ZFAND6: variants seen among roughly 807,000 people sequenced by gnomAD.
The protein encoded by ZFAND6 is zinc finger AN1-type containing 6.
A neutral mutation model predicts 24.5 loss-of-function variants in ZFAND6; 12 were observed. The ratio of observed to expected loss-of-function variants is 0.49; its 90% CI spans 0.31 to 0.79. ZFAND6 has a LOEUF of 0.79. Among genes scored for constraint, ZFAND6 ranks in the 30% least tolerant of loss-of-function variants. The pLI is 0.04. For missense variants in ZFAND6, 207 were observed against 245.9 expected, an observed-to-expected ratio of 0.84 and a Z score of 1.06; for synonymous variants, 92 against 81.5, an observed-to-expected ratio of 1.13 and a Z score of -0.69.
chr15:80,100,213 A>G (rs947686729), intron 2 of ZFAND6, among the ~76,000 whole-genome samples: 5 of 152,232 alleles, frequency 3.3e-5, no homozygotes, highest in Non-Finnish European at 7.3e-5. Flanking sequence ...ATTTACTGCC[A>G]TTTGGCATTT....
intron 1 of ZFAND6, among the ~76,000 whole-genome samples, chr15:80,091,155 T>C (rs904470676): frequency 1.1e-5 from 1 of 87,356 alleles, no homozygotes; most frequent in Admixed American, 1.4e-4. Context: ...ATTTAGTTGT[T>C]AAGGGGTGTG....
chr15:80,119,755 T>C (rs2040064904), intron 2 of ZFAND6, among the ~76,000 whole-genome samples: 1 of 152,200 alleles, frequency 6.6e-6, no homozygotes, highest in African/African-American at 2.4e-5. Context: ...ATTTGTTTTT[T>C]ACAGGGTTCT....
At chr15:80,106,217 T>A (rs1222540395) in intron 2 of ZFAND6, among the ~76,000 whole-genome samples, 1 of 152,206 alleles carries the variant, frequency 6.6e-6, no homozygotes, top group Non-Finnish European at 1.5e-5. Context: ...CCTGATAATA[T>A]CTCTAACCAA....
intron 6 of ZFAND6, among the ~76,000 whole-genome samples, chr15:80,133,759 C>T (rs2040727770): frequency 1.3e-5 from 2 of 152,194 alleles, no homozygotes; most frequent in African/African-American, 2.4e-5. Context: ...TCTAACTTTA[C>T]TGTTTTGCGC....
chr15:80,068,528 C>T (rs999350917), intron 1 of ZFAND6, among the ~76,000 whole-genome samples: 3 of 152,046 alleles, frequency 2.0e-5, no homozygotes, highest in Non-Finnish European at 4.4e-5. Context: ...AGTGCCACCA[C>T]GCCTGGCTAA....
rs1227644804 is a variant in ZFAND6, at chr15:80,098,560, G to C, written c.-36G>C. On this transcript the variant is annotated 5_prime_UTR_variant, in exon 2 of 7. Transcript: ENST00000261749. ...GTCTCAAGATACAGGACAGCTGTTT[G>C]CTCATCAACCTCAACTGTGTGAGTA... 1 of 152,186 alleles carries C rather than the reference G, an allele frequency of 6.6e-6. No individual in the cohort carries two copies. The highest frequency in any genetic ancestry group is 2.4e-5 in the African/African-American group (1 of 41,444). The allele number at this position is 152,186 out of a possible 1,614,324, so 9.4% of individuals were successfully genotyped here. A position where few individuals can be genotyped will look rare whatever the true frequency, so the allele number is the denominator to read the frequency against.
At chr15:80,105,400 A>G (rs1596273977) in intron 2 of ZFAND6, among the ~76,000 whole-genome samples, 1 of 152,156 alleles carries the variant, frequency 6.6e-6, no homozygotes, top group South Asian at 2.1e-4. Flanking sequence ...TTTGTGAGCT[A>G]TGGGTAAATA....
intron 1 of ZFAND6, among the ~76,000 whole-genome samples, chr15:80,068,909 A>G (rs747207590): frequency 6.6e-6 from 1 of 152,256 alleles, no homozygotes; most frequent in African/African-American, 2.4e-5. Flanking sequence ...TCTTCAGCGC[A>G]TAACAGACGT....
intron 1 of ZFAND6, among the ~76,000 whole-genome samples, chr15:80,087,299 C>T (rs949514240): frequency 5.9e-5 from 9 of 152,180 alleles, no homozygotes; most frequent in Admixed American, 3.9e-4. Flanking sequence ...TTCTGTTTCT[C>T]TTCACCCTCA....
At chr15:80,079,458 G>T (rs527719182) in intron 1 of ZFAND6, among the ~76,000 whole-genome samples, 11 of 151,830 alleles carry the variant, frequency 7.2e-5, no homozygotes, top group Non-Finnish European at 1.6e-4. Flanking sequence ...CTGACCTCAT[G>T]ATCCGCCCAC....
intron 2 of ZFAND6, among the ~76,000 whole-genome samples, chr15:80,104,250 G>A (rs886799577): frequency 6.6e-6 from 1 of 152,248 alleles, no homozygotes; most frequent in Non-Finnish European, 1.5e-5. Context: ...GGCTGGGTGG[G>A]CGGTTCACGC....
chr15:80,131,568 A>G, intron 6 of ZFAND6: 1 of 416,160 alleles, frequency 2.4e-6, no homozygotes. Context: ...AAGGTCAAAG[A>G]TGTGGCTCCT....
rs61229300 is a variant in ZFAND6 at position 80,102,367 on chromosome 15, G to A, written c.-18+3789G>A. 0.02 allele frequency among the ~76,000 whole-genome samples: 3,096 copies of A among 152,084 alleles called. 227 individuals carry two copies. The East Asian group carries it at 0.22, about 11-fold the overall frequency. ...CAGGTGATCCACCCGCCTCCCACTC[G>A]GCCTCCCAAAGTGCTAGGATTACAG... On this transcript the variant is annotated intron_variant, in intron 2 of 6. Coordinates refer to ENST00000261749, the MANE Select transcript of ZFAND6 (RefSeq NM_019006.4).
chr15:80,095,119 A>G (rs1030023219), intron 1 of ZFAND6, among the ~76,000 whole-genome samples: 1 of 151,976 alleles, frequency 6.6e-6, no homozygotes, highest in Non-Finnish European at 1.5e-5. Context: ...ATAATCATTC[A>G]TTGCATTTAG....
intron 5 of ZFAND6, among the ~76,000 whole-genome samples, chr15:80,124,890 T>TA (rs1567095298): frequency 6.6e-6 from 1 of 152,072 alleles, no homozygotes; most frequent in African/African-American, 2.4e-5. Context: ...ACCTAGTTTT[T>TA]AAAAAAAATT....
At chr15:80,067,649 G>A (rs1342767391) in intron 1 of ZFAND6, among the ~76,000 whole-genome samples, 1 of 152,062 alleles carries the variant, frequency 6.6e-6, no homozygotes, top group Non-Finnish European at 1.5e-5. Context: ...CATTCTAGGT[G>A]CTCACTCAGT....
intron 2 of ZFAND6, among the ~76,000 whole-genome samples, chr15:80,102,288 T>C (rs1042164913): frequency 3.3e-5 from 5 of 152,094 alleles, no homozygotes; most frequent in Non-Finnish European, 5.9e-5. Context: ...TTTGCACTTT[T>C]AGTAGAGACA....
Position 80,119,799 on chromosome 15 carries a change from T to C in ZFAND6, c.-17-529T>C, listed in dbSNP as rs370275646. ...ATTGCTAACTTGCTTTCCAAAAAGA[T>C]TGAACCAATTTATTATCATTTTACA... On this transcript the variant is annotated intron_variant, in intron 2 of 6. Transcript: ENST00000261749. Among the ~76,000 whole-genome samples the C allele has an allele frequency of 1.2e-4, 18 of 152,326 alleles. No individual in the cohort carries two copies. In the East Asian group the frequency reaches 3.5e-3, roughly 29 times the overall value.
At chr15:80,123,457 G>A (rs55986491) in intron 5 of ZFAND6, among the ~76,000 whole-genome samples, 347 of 152,246 alleles carry the variant, frequency 2.3e-3, no homozygotes, top group Middle Eastern at 6.8e-3. Flanking sequence ...GAAATAACAT[G>A]GTAACAAGGA....
Sources: allele counts gnomAD v4.1 joint callset (sites outside exome capture counted in the v4.1 genomes callset), GRCh38; gene constraint gnomAD v4.1.1; transcripts MANE v1.5; gene names NCBI Gene and HGNC (gene_info 2026-07-23, HGNC 2026-07-21).